Variants in NF1 observed in about 807,000 individuals in gnomAD.
The protein encoded by NF1 is neurofibromin.
NF1 carries 122 observed loss-of-function variants against 325.7 expected under a neutral mutation model. The observed-to-expected ratio is 0.37, with a 90% confidence interval of 0.32 to 0.44. The LOEUF (loss-of-function observed/expected upper bound fraction) is 0.44. Ranked by LOEUF, NF1 falls within the 20% of genes least tolerant of loss-of-function variation. NF1 has a pLI of 1.00. For synonymous variants in NF1, 1,091 were observed against 1,186.0 expected (o/e 0.92, Z 1.65); for missense variants, 2,140 against 3,415.4 (o/e 0.63, Z 9.31).
chr17:31,294,838 G>A, intron 36 of NF1: 1 of 774,756 alleles, frequency 1.3e-6, no homozygotes, highest in East Asian at 2.7e-5. Flanking sequence ...AAGACATTGT[G>A]CATTTCTTTT....
intron 4 of NF1, among the ~76,000 whole-genome samples, chr17:31,166,939 G>A (rs2065856541): frequency 6.6e-6 from 1 of 151,980 alleles, no homozygotes; most frequent in African/African-American, 2.4e-5. Context: ...TTCTTTTCTG[G>A]ACCTATACAT....
At chr17:31,265,465 A>G (rs190024426) in intron 36 of NF1, 126 bp downstream of exon 36, 17 of 704,328 alleles carry the variant, frequency 2.4e-5, no homozygotes, top group Admixed American at 1.1e-4. Flanking sequence ...ACTTGGGAGC[A>G]TATAGCAGGG....
intron 1 of NF1, among the ~76,000 whole-genome samples, chr17:31,151,265 G>A (rs888010194): frequency 2.6e-5 from 4 of 152,030 alleles, no homozygotes; most frequent in African/African-American, 9.7e-5. Flanking sequence ...TAGAGGTGTG[G>A]CAGGCTATAC....
At chr17:31,305,082 A>G (rs1203926358) in intron 36 of NF1, 3 of 1,614,088 alleles carry the variant, frequency 1.9e-6, no homozygotes, top group Non-Finnish European at 2.5e-6. Flanking sequence ...TCCTAGGTGA[A>G]TTTTTGACAG....
chr17:31,109,520 A>G (rs1175818780), intron 1 of NF1, among the ~76,000 whole-genome samples: 1 of 151,584 alleles, frequency 6.6e-6, no homozygotes, highest in African/African-American at 2.4e-5. Context: ...AGTAGCTGGG[A>G]TTACAGGCAC....
intron 36 of NF1, among the ~76,000 whole-genome samples, chr17:31,319,406 A>G (rs941387447): frequency 6.6e-6 from 1 of 151,998 alleles, no homozygotes; most frequent in East Asian, 1.9e-4. Flanking sequence ...TCATTCTTAC[A>G]GAAACTACCC....
intron 24 of NF1, among the ~76,000 whole-genome samples, chr17:31,231,864 G>GT (rs2067117592): frequency 6.6e-6 from 1 of 151,940 alleles, no homozygotes; most frequent in African/African-American, 2.4e-5. Flanking sequence ...TAGAAAGTAA[G>GT]TATTACCTTC....
chr17:31,336,220 C>A lies in NF1; in HGVS notation c.6007-113C>A. ...TAAATAAAATCTAGTATTTTTGAGG[C>A]CTCAGGTAAAATAGAATTTTCATAT... On this transcript the variant is annotated intron_variant, in intron 40 of 57. Coordinates refer to ENST00000358273, the MANE Select transcript of NF1 (RefSeq NM_001042492.3). This position sits in a 1 kb window ranked among gnomAD's most constrained non-coding sequence, Gnocchi z 5.5. 1 of 1,088,510 alleles carries A rather than the reference C, an allele frequency of 9.2e-7. No individual in the cohort carries two copies. Among genetic ancestry groups the A allele is most frequent in the Non-Finnish European group, 1.3e-6 (1 of 741,316 alleles). 67.4% of individuals were successfully genotyped at this position (1,088,510 alleles called of 1,614,324 possible).
intron 19 of NF1, 96 bp from the exon 20 acceptor site, chr17:31,227,427 G>A (rs965793947): frequency 7.0e-7 from 1 of 1,425,290 alleles, no homozygotes; most frequent in Non-Finnish European, 9.9e-7. Context: ...TAATATCTGA[G>A]TATTTAATAT....
At chr17:31,217,939 CAAA>C (rs56382346) in intron 13 of NF1, among the ~76,000 whole-genome samples, 17 of 116,728 alleles carry the variant, frequency 1.5e-4, no homozygotes, top group Non-Finnish European at 1.3e-4. Context: ...CACTCCGTTT[CAAA>C]AAAAAAAAAA....
At chr17:31,271,568 A>G (rs1177197360) in intron 36 of NF1, among the ~76,000 whole-genome samples, 2 of 152,054 alleles carry the variant, frequency 1.3e-5, no homozygotes, top group Non-Finnish European at 2.9e-5. Context: ...CGTGGCCAAC[A>G]TGGTGAAACC....
chr17:31,182,103 G>A (rs887900648), intron 7 of NF1, among the ~76,000 whole-genome samples: 1 of 152,166 alleles, frequency 6.6e-6, no homozygotes, highest in African/African-American at 2.4e-5. Flanking sequence ...AGGGAGATGT[G>A]TATAAAGTAG....
At chr17:31,271,632 C>T (rs2067898736) in intron 36 of NF1, among the ~76,000 whole-genome samples, 1 of 152,020 alleles carries the variant, frequency 6.6e-6, no homozygotes, top group Non-Finnish European at 1.5e-5. Flanking sequence ...CATCTGTAAT[C>T]CCAGCTACTC....
chr17:31,327,901 T>C (rs1367184433), intron 38 of NF1, 62 bp downstream of exon 38: 1 of 1,452,582 alleles, frequency 6.9e-7, no homozygotes. Context: ...AATGAGACCA[T>C]TTAATGAATT....
At position 31,377,330 on chromosome 17, in the gene NF1, A is replaced by T. The variant is rs567573170; in HGVS notation, c.*3175A>T. On this transcript the variant is annotated 3_prime_UTR_variant, in exon 58 of 58. Coordinates refer to ENST00000358273, the MANE Select transcript of NF1 (RefSeq NM_001042492.3). The stretch of plus-strand genomic sequence containing the variant: ...TTGCTGCACATGGATAACAACAAAA[A>T]TTTGATTATTCTCGTGTTAGTATTG... 45 of 233,506 alleles carry T rather than the reference A, an allele frequency of 1.9e-4. No homozygotes were observed. The highest frequency in any genetic ancestry group is 1.1e-3 in the Admixed American group (19 of 17,800). The allele number at this position is 233,506 out of a possible 1,614,324, so 14.5% of individuals were successfully genotyped here.
chr17:31,335,298 T>TATA (rs1378688067), intron 40 of NF1, among the ~76,000 whole-genome samples: 1 of 2,122 alleles, frequency 4.7e-4, no homozygotes, highest in African/African-American at 1.2e-3. Context: ...ATATATATAA[T>TATA]TATGCCTTGA....
At chr17:31,116,803 G>A (rs1019004563) in intron 1 of NF1, among the ~76,000 whole-genome samples, 1 of 147,460 alleles carries the variant, frequency 6.8e-6, no homozygotes, top group Non-Finnish European at 1.5e-5. Flanking sequence ...GAGTAGCTGG[G>A]ACTACAGGTG....
chr17:31,318,061 A>G (rs895125203), intron 36 of NF1: 2 of 453,198 alleles, frequency 4.4e-6, no homozygotes, highest in Non-Finnish European at 7.7e-6. Context: ...TATCCTTAAA[A>G]TTTTCCTCAA....
In NF1 at chr17:31,347,139, G is replaced by A. The variant is rs564056257; in HGVS notation, c.7190-1981G>A. Among the ~76,000 whole-genome samples, 1,348 of 151,414 alleles carry A rather than the reference G, an allele frequency of 8.9e-3. 13 individuals are homozygous for A. Among genetic ancestry groups the A allele is most frequent in the Middle Eastern group, 0.027 (8 of 294 alleles). On this transcript the variant is annotated intron_variant, in intron 48 of 57. Coordinates refer to ENST00000358273, the MANE Select transcript of NF1 (RefSeq NM_001042492.3). ...TAAATGTTGTAAGATCATATCTTAT[G>A]TATAGAAGTAATAAGACCATTTGGA... is the stretch of plus-strand genomic sequence containing the variant.
Sources: gnomAD v4.1 joint callset for allele counts (sites outside exome capture counted in the v4.1 genomes callset) on GRCh38, gnomAD v4.1.1 for gene constraint, Gnocchi (gnomAD v3.1) non-coding constraint, MANE v1.5 for transcripts, NCBI Gene and HGNC (gene_info 2026-07-23, HGNC 2026-07-21) for gene names.